The following GULP1 variants were observed in gnomAD, a reference collection of about 807,000 sequenced individuals.
The protein encoded by GULP1 is GULP PTB domain containing engulfment adaptor 1, also known as PTB domain-containing engulfment adapter protein 1.
GULP1 carries 19 observed loss-of-function variants against 40.9 expected under a neutral mutation model. That is an observed-to-expected ratio of 0.46 (90% CI 0.32 to 0.68). The LOEUF is 0.68. GULP1 is among the 30% of genes least tolerant of loss of function. The pLI, the probability that GULP1 is intolerant of heterozygous loss-of-function variation, is 0.03. For missense variants in GULP1, 312 were observed against 362.2 expected, an observed-to-expected ratio of 0.86 and a Z score of 1.12; for synonymous variants, 119 against 117.6, an observed-to-expected ratio of 1.01 and a Z score of -0.08.
At chr2:188,354,736 G>A (rs946721717) in intron 1 of GULP1, among the ~76,000 whole-genome samples, 1 of 152,108 alleles carries the variant, frequency 6.6e-6, no homozygotes, top group African/African-American at 2.4e-5. Context: ...TTTAACATAT[G>A]CAGAATACAC....
At chr2:188,392,101 G>T (rs1317114637) in intron 2 of GULP1, among the ~76,000 whole-genome samples, 3 of 151,932 alleles carry the variant, frequency 2.0e-5, no homozygotes, top group Non-Finnish European at 4.4e-5. Flanking sequence ...CCTCACTTTG[G>T]TATCAGGGTG....
At chr2:188,385,353 T>G (rs2049562478) in intron 2 of GULP1, among the ~76,000 whole-genome samples, 1 of 152,152 alleles carries the variant, frequency 6.6e-6, no homozygotes, top group Non-Finnish European at 1.5e-5. Flanking sequence ...TAGTCATGGC[T>G]GGAGCAGCTG....
At chr2:188,322,506 G>GATATT (rs2040138821) in intron 1 of GULP1, among the ~76,000 whole-genome samples, 1 of 152,112 alleles carries the variant, frequency 6.6e-6, no homozygotes, top group Non-Finnish European at 1.5e-5. Flanking sequence ...AACGTGGCTG[G>GATATT]ATATAATAGT....
intron 2 of GULP1, among the ~76,000 whole-genome samples, chr2:188,475,089 T>C (rs2153026511): frequency 6.6e-6 from 1 of 152,330 alleles, no homozygotes; most frequent in South Asian, 2.1e-4. Flanking sequence ...TATTGTATTA[T>C]ACACGTTGGG....
chr2:188,323,438 C>T (rs561683267), intron 1 of GULP1, among the ~76,000 whole-genome samples: 4 of 151,996 alleles, frequency 2.6e-5, no homozygotes, highest in African/African-American at 7.2e-5. Flanking sequence ...TTTGCATGCA[C>T]AGTTGCAGTT....
At chr2:188,429,714 T>G (rs2056633319) in intron 2 of GULP1, among the ~76,000 whole-genome samples, 1 of 145,324 alleles carries the variant, frequency 6.9e-6, no homozygotes, top group South Asian at 2.2e-4. Flanking sequence ...ATTTTTGTTG[T>G]TTTTTTTTTT....
intron 6 of GULP1, among the ~76,000 whole-genome samples, chr2:188,533,691 A>G (rs1002344076): frequency 6.6e-6 from 1 of 152,174 alleles, no homozygotes; most frequent in African/African-American, 2.4e-5. Flanking sequence ...GGGTAAACAG[A>G]CACCTACAGA....
intron 1 of GULP1, among the ~76,000 whole-genome samples, chr2:188,377,558 G>C (rs1559168847): frequency 6.6e-6 from 1 of 152,138 alleles, no homozygotes; most frequent in Admixed American, 6.5e-5. Flanking sequence ...CAGTGATTCT[G>C]CACCCCTACC....
In GULP1 at chr2:188,547,892, C is replaced by T. The variant is rs181122286; in HGVS notation, c.399+6574C>T. ...ATCTAAAGAAGAAACGTGATAATAC[C>T]AGTCAGTGCTTTAAAAATAACTTTA... On this transcript the variant is annotated intron_variant, in intron 7 of 11. Coordinates refer to ENST00000409830, the MANE Select transcript of GULP1 (RefSeq NM_016315.4). 1.2e-3 allele frequency among the ~76,000 whole-genome samples: 184 copies of T among 152,088 alleles called. 2 individuals carry two copies. The Middle Eastern group carries it at 0.024, about 20-fold the overall frequency.
chr2:188,463,057 G>A (rs992901481), intron 2 of GULP1, among the ~76,000 whole-genome samples: 5 of 152,078 alleles, frequency 3.3e-5, no homozygotes, highest in Non-Finnish European at 7.4e-5. Flanking sequence ...CATAAACTGT[G>A]ATTACAGTGT....
chr2:188,364,286 G>A (rs1450513210), intron 1 of GULP1, among the ~76,000 whole-genome samples: 1 of 152,024 alleles, frequency 6.6e-6, no homozygotes, highest in East Asian at 1.9e-4. Flanking sequence ...ACCACTTGTT[G>A]ATCCTCAGGG....
chr2:188,370,919 G>A (rs1370603050), intron 1 of GULP1, among the ~76,000 whole-genome samples: 1 of 152,008 alleles, frequency 6.6e-6, no homozygotes, highest in African/African-American at 2.4e-5. Context: ...GTGGAGATTG[G>A]TGACCTATTG....
intron 3 of GULP1, among the ~76,000 whole-genome samples, chr2:188,478,471 A>C (rs1056033178): frequency 3.3e-5 from 5 of 152,094 alleles, no homozygotes; most frequent in African/African-American, 1.2e-4. Flanking sequence ...CCTGTTTTAC[A>C]TTATTGATGA....
chr2:188,466,283 G>GT (rs748651377), intron 2 of GULP1, among the ~76,000 whole-genome samples: 15 of 146,788 alleles, frequency 1.0e-4, no homozygotes, highest in East Asian at 9.8e-4. Context: ...TCAGTGGCTG[G>GT]TTTTTTTTTC....
chr2:188,363,393 A>G (rs752499404), intron 1 of GULP1, among the ~76,000 whole-genome samples: 4 of 152,144 alleles, frequency 2.6e-5, no homozygotes, highest in Admixed American at 6.6e-5. Flanking sequence ...TTAATTGACT[A>G]GAGTTTAGTT....
intron 1 of GULP1, among the ~76,000 whole-genome samples, chr2:188,320,210 A>G (rs4430902): frequency 0.24 from 37,070 of 152,054 alleles, 5,023 homozygotes; most frequent in African/African-American, 0.37. Flanking sequence ...GTAGAGAACC[A>G]AAGTTTATTA....
intron 4 of GULP1, among the ~76,000 whole-genome samples, chr2:188,484,377 G>C (rs1230469687): frequency 6.6e-6 from 1 of 152,134 alleles, no homozygotes; most frequent in Non-Finnish European, 1.5e-5. Context: ...AGACTTTAAA[G>C]AAAGGTGCTA....
intron 2 of GULP1, among the ~76,000 whole-genome samples, chr2:188,422,131 A>G (rs1307320840): frequency 3.2e-5 from 4 of 125,016 alleles, no homozygotes; most frequent in African/African-American, 1.2e-4. Context: ...CTACCTTTTC[A>G]TTTCTTTTTA....
At chr2:188,415,972 C>T (rs1292787456) in intron 2 of GULP1, among the ~76,000 whole-genome samples, 1 of 152,034 alleles carries the variant, frequency 6.6e-6, no homozygotes, top group African/African-American at 2.4e-5. Flanking sequence ...AATGTTTTGC[C>T]CATTCTGTGA....
Sources: gnomAD v4.1 joint callset for allele counts (sites outside exome capture counted in the v4.1 genomes callset) on GRCh38, gnomAD v4.1.1 for gene constraint, MANE v1.5 for transcripts, NCBI Gene and HGNC (gene_info 2026-07-23, HGNC 2026-07-21) for gene names.